The following AGFG1 variants were observed in gnomAD, a reference collection of about 807,000 sequenced individuals.
AGFG1 encodes arf-GAP domain and FG repeat-containing protein 1.
AGFG1 carries 10 observed loss-of-function variants against 60.6 expected under a neutral mutation model. The ratio of observed to expected loss-of-function variants is 0.16; its 90% CI spans 0.10 to 0.28. AGFG1 has a LOEUF of 0.28. Among genes scored for constraint, AGFG1 ranks in the 10% least tolerant of loss-of-function variants. AGFG1 has a pLI of 1.00. For synonymous variants in AGFG1, 247 were observed against 242.9 expected (o/e 1.02, Z -0.16); for missense variants, 537 against 676.5 (o/e 0.79, Z 2.29).
intron 2 of AGFG1, among the ~76,000 whole-genome samples, chr2:227,502,056 A>G (rs1040568306): frequency 1.6e-4 from 24 of 152,012 alleles, no homozygotes; most frequent in African/African-American, 5.8e-4. Context: ...ACGAGATCTC[A>G]CTGTGTTGCC....
At chr2:227,476,569 C>T (rs1280234369) in intron 1 of AGFG1, among the ~76,000 whole-genome samples, 1 of 152,166 alleles carries the variant, frequency 6.6e-6, no homozygotes, top group Non-Finnish European at 1.5e-5. Context: ...TGAAATTTCA[C>T]AGGTAATAAA....
intron 1 of AGFG1, among the ~76,000 whole-genome samples, chr2:227,476,698 A>G (rs188103971): frequency 4.7e-4 from 71 of 152,310 alleles, no homozygotes; most frequent in African/African-American, 1.5e-3. Context: ...TAATGTTTTT[A>G]TACAATTAGT....
At chr2:227,478,892 TA>T (rs1690371091) in intron 1 of AGFG1, among the ~76,000 whole-genome samples, 1 of 152,252 alleles carries the variant, frequency 6.6e-6, no homozygotes, top group African/African-American at 2.4e-5. Flanking sequence ...TGACTTGTTT[TA>T]GTCTCTAAAA....
intron 1 of AGFG1, among the ~76,000 whole-genome samples, chr2:227,474,951 A>T (rs1559162150): frequency 2.6e-5 from 4 of 152,208 alleles, no homozygotes; most frequent in African/African-American, 4.8e-5. Context: ...TTTCAGTATT[A>T]AAAATAATGT....
chr2:227,524,706 A>G (rs913668614), intron 4 of AGFG1, 56 bp from the exon 5 acceptor site: 24 of 1,580,230 alleles, frequency 1.5e-5, no homozygotes, highest in African/African-American at 2.7e-5. Flanking sequence ...ATAGTTTTGT[A>G]TAAAGATTTT....
chr2:227,557,922 AG>A lies in AGFG1; in HGVS notation c.*3430del, dbSNP rs1288507226. The A allele has an allele frequency of 2.6e-5, 4 of 152,216 alleles. No homozygotes were observed. The highest frequency in any genetic ancestry group is 5.9e-5 in the Non-Finnish European group (4 of 68,036). The allele number at this position is 152,216 out of a possible 1,614,324, so 9.4% of individuals were successfully genotyped here. On this transcript the variant is annotated 3_prime_UTR_variant, in exon 13 of 13. Coordinates refer to ENST00000310078, the MANE Select transcript of AGFG1 (RefSeq NM_004504.5). Reference sequence around the variant, plus strand: ...AAAGAAAGGGTTGTAGGGACCATTAAGGGTCTCCAGACTCTTTGAGAACCAC... The same window carrying A: ...AAAGAAAGGGTTGTAGGGACCATTAAGGTCTCCAGACTCTTTGAGAACCAC...
intron 6 of AGFG1, chr2:227,532,185 G>C (rs1271462237): frequency 6.5e-7 from 1 of 1,548,440 alleles, no homozygotes; most frequent in Non-Finnish European, 8.7e-7. Context: ...ATTTACTTCA[G>C]CTTTTCCTCT....
chr2:227,483,522 T>C (rs1223826268), intron 1 of AGFG1, among the ~76,000 whole-genome samples: 1 of 152,218 alleles, frequency 6.6e-6, no homozygotes, highest in Non-Finnish European at 1.5e-5. Flanking sequence ...ATTACTGATC[T>C]GTTCTCCAAC....
chr2:227,508,474 T>C (rs1691393120), intron 2 of AGFG1: 1 of 330,642 alleles, frequency 3.0e-6, no homozygotes, highest in Admixed American at 3.8e-5. Flanking sequence ...AACTCCTTGT[T>C]TGTTCCAGGT....
intron 10 of AGFG1, among the ~76,000 whole-genome samples, chr2:227,537,649 G>A (rs891911598): frequency 1.1e-4 from 16 of 151,962 alleles, no homozygotes; most frequent in South Asian, 8.3e-4. Context: ...GATTTTTGTC[G>A]TATTACCTTA....
intron 1 of AGFG1, among the ~76,000 whole-genome samples, chr2:227,474,309 C>T (rs536686044): frequency 6.6e-6 from 1 of 152,172 alleles, no homozygotes; most frequent in Non-Finnish European, 1.5e-5. Flanking sequence ...GTCCTTTAAT[C>T]CATGTAAAGT....
chr2:227,510,018 T>G (rs550688698), intron 2 of AGFG1, among the ~76,000 whole-genome samples: 1 of 152,224 alleles, frequency 6.6e-6, no homozygotes, highest in African/African-American at 2.4e-5. Context: ...AATTTACTTA[T>G]GTTATCTTAG....
chr2:227,551,246 G>A (rs183164039), intron 10 of AGFG1, among the ~76,000 whole-genome samples: 14 of 152,226 alleles, frequency 9.2e-5, no homozygotes, highest in African/African-American at 1.2e-4. Context: ...CACTAATTTC[G>A]ATAGCTCAGT....
rs534128640 is a variant in AGFG1 at position 227,519,821 on chromosome 2, C to A, written c.262-127C>A. 5.3e-6 allele frequency: 3 copies of A among 565,156 alleles called. No homozygotes were observed. In the African/African-American group the frequency reaches 6.0e-5, roughly 11 times the overall value. The allele number at this position is 565,156 out of a possible 1,614,324, so 35.0% of individuals were successfully genotyped here. On this transcript the variant is annotated intron_variant, in intron 2 of 12. Transcript: ENST00000310078. Reference sequence around the variant, plus strand: ...AATTTAGTTCCTGTTTATTAGTATCCTCATTGAAAGCATATTATTAAAATT... The same window carrying A: ...AATTTAGTTCCTGTTTATTAGTATCATCATTGAAAGCATATTATTAAAATT...
At chr2:227,538,520 A>G (rs553270521) in intron 10 of AGFG1, among the ~76,000 whole-genome samples, 1 of 152,322 alleles carries the variant, frequency 6.6e-6, no homozygotes, top group East Asian at 1.9e-4. Context: ...AACTCAAATT[A>G]TGTTTTGACT....
At chr2:227,536,860 A>G (rs781571821) in intron 9 of AGFG1, 41 bp from the exon 10 acceptor site, 1 of 1,553,264 alleles carries the variant, frequency 6.4e-7, no homozygotes, top group South Asian at 1.2e-5. Flanking sequence ...TAAATACAAA[A>G]TGTATTAGGA....
At chr2:227,502,808 T>C (rs1394887073) in intron 2 of AGFG1, among the ~76,000 whole-genome samples, 4 of 152,224 alleles carry the variant, frequency 2.6e-5, no homozygotes, top group Admixed American at 2.6e-4. Context: ...CTGTGATCCA[T>C]CTCAAATTAA....
chr2:227,472,389 G>A lies in AGFG1; in HGVS notation c.-33G>A. On this transcript the variant is annotated 5_prime_UTR_variant, in exon 1 of 13. Transcript: ENST00000310078. The stretch of plus-strand genomic sequence containing the variant: ...CCGGCGCAGCGCTGCCCGGCTCCCG[G>A]CCCTGCCGGCCTCCTCCCTTGGCGC... The A allele has an allele frequency of 7.4e-7, 1 of 1,354,628 alleles. No homozygotes were observed. The allele number at this position is 1,354,628 out of a possible 1,614,324, so 83.9% of individuals were successfully genotyped here. A position where few individuals can be genotyped will look rare whatever the true frequency, so the allele number is the denominator to read the frequency against.
At chr2:227,552,171 T>C (rs1692841104) in intron 11 of AGFG1, 54 bp downstream of exon 11, 12 of 1,600,502 alleles carry the variant, frequency 7.5e-6, no homozygotes, top group Admixed American at 1.7e-5. Flanking sequence ...CCTTTTTATA[T>C]CATAATGTTG....
Sources: allele counts gnomAD v4.1 joint callset (sites outside exome capture counted in the v4.1 genomes callset), GRCh38; gene constraint gnomAD v4.1.1; transcripts MANE v1.5; gene names NCBI Gene and HGNC (gene_info 2026-07-23, HGNC 2026-07-21).